TFRC: variants seen among roughly 807,000 people sequenced by gnomAD.
The protein encoded by TFRC is transferrin receptor.
TFRC carries 35 observed loss-of-function variants against 85.8 expected under a neutral mutation model. The observed-to-expected ratio is 0.41, with a 90% CI of 0.31 to 0.54. The LOEUF is 0.54. Among genes scored for constraint, TFRC ranks in the 20% least tolerant of loss-of-function variants. The pLI, the probability that TFRC is intolerant of heterozygous loss-of-function variation, is 0.31. For missense variants in TFRC, 828 were observed against 921.5 expected, an observed-to-expected ratio of 0.90 and a Z score of 1.31; for synonymous variants, 362 against 328.6, an observed-to-expected ratio of 1.10 and a Z score of -1.10.
chr3:196,054,807 T>C (rs892366041), intron 17 of TFRC, among the ~76,000 whole-genome samples: 5 of 152,240 alleles, frequency 3.3e-5, no homozygotes, highest in Non-Finnish European at 7.3e-5. Context: ...TTCCGTGTCC[T>C]ACTGACGGGC....
At chr3:196,071,562 A>T (rs1718211394) in intron 5 of TFRC, 64 bp from the exon 6 acceptor site, 1 of 1,441,494 alleles carries the variant, frequency 6.9e-7, no homozygotes, top group South Asian at 1.1e-5. Context: ...AATAGCTTAC[A>T]TTTAGTATGT....
At chr3:196,067,385 TA>T (rs1262880283) in intron 9 of TFRC, 132 bp downstream of exon 9, 2 of 927,056 alleles carry the variant, frequency 2.2e-6, no homozygotes, top group Non-Finnish European at 3.2e-6. Context: ...TGTACCAAGG[TA>T]ACAGCTAACC....
intron 9 of TFRC, among the ~76,000 whole-genome samples, chr3:196,066,984 A>C (rs1305186598): frequency 3.3e-5 from 5 of 152,226 alleles, no homozygotes; most frequent in Non-Finnish European, 1.5e-5. Flanking sequence ...CTCTGTTTTT[A>C]AAGAGAGACA....
intron 1 of TFRC, among the ~76,000 whole-genome samples, chr3:196,079,330 C>G (rs770714746): frequency 6.6e-6 from 1 of 152,154 alleles, no homozygotes; most frequent in Non-Finnish European, 1.5e-5. Context: ...AAGCGATGGC[C>G]GGGCATGGTG....
chr3:196,063,830 T>C (rs1468628320), intron 11 of TFRC, among the ~76,000 whole-genome samples: 2 of 152,062 alleles, frequency 1.3e-5, no homozygotes, highest in Admixed American at 6.6e-5. Flanking sequence ...GGCAGGAGAA[T>C]TGCTTGAAGT....
chr3:196,053,304 C>T, intron 18 of TFRC, 114 bp downstream of exon 18: 2 of 1,167,116 alleles, frequency 1.7e-6, no homozygotes, highest in Non-Finnish European at 2.5e-6. Context: ...ACCATTAATG[C>T]TCCCTTCTTA....
rs751955004 is a variant in TFRC at position 196,068,102 on chromosome 3, A to G, written c.830T>C (p.Ile277Thr). 6.2e-7 allele frequency: 1 copy of G among 1,612,956 alleles called. No homozygotes were observed. Reference protein sequence around the residue: ...KVANAESLNAIGVLIYMDQTK... With the variant: ...KVANAESLNATGVLIYMDQTK... The stretch of plus-strand genomic sequence containing the variant: ...CTGGTCCATGTATATCAACACACCA[A>G]TTGCATTTAAGCTTTCAGCATTTGC... The change falls in exon 8 of 19, where the codon ATT becomes ACT. Residue 277 changes from isoleucine (I) to threonine (T), a missense_variant. Ile to Thr is a moderately conservative substitution (Grantham distance 89). Coordinates refer to ENST00000360110, the MANE Select transcript of TFRC (RefSeq NM_001128148.3).
At chr3:196,057,790 A>C (rs1227516565) in intron 16 of TFRC, among the ~76,000 whole-genome samples, 4 of 151,196 alleles carry the variant, frequency 2.6e-5, no homozygotes, top group Non-Finnish European at 4.4e-5. Flanking sequence ...TCAAAAAAAA[A>C]AAAAAAAACA....
chr3:196,060,367 A>T (rs963275182), intron 13 of TFRC, 120 bp from the exon 14 acceptor site: 1 of 807,674 alleles, frequency 1.2e-6, no homozygotes, highest in African/African-American at 1.7e-5. Context: ...GCCCTGTGCA[A>T]CAACTATCCC....
rs1210593432 is a variant in TFRC at position 196,069,535 on chromosome 3, T to C, written c.721A>G (p.Lys241Glu). ...KLVHANFGTKKDFEDLYTPVN... is the reference protein window; with the variant it reads ...KLVHANFGTKEDFEDLYTPVN... The stretch of plus-strand genomic sequence containing the variant: ...GGAGTGTATAAATCCTCAAAATCTT[T>C]TTTAGTACCAAAATTAGCATGGACC... Residue 241 changes from lysine to glutamate, a missense_variant, in exon 7 of 19, where the codon AAA becomes GAA. Transcript: ENST00000360110. The C allele has an allele frequency of 6.2e-7, 1 of 1,612,814 alleles. No homozygotes were observed. The highest frequency in any genetic ancestry group is 1.3e-5 in the African/African-American group (1 of 75,012).
At position 196,065,427 on chromosome 3, in the gene TFRC, G is replaced by A. The variant is rs71621206; in HGVS notation, c.1198+16C>T. 4.3e-6 allele frequency: 3 copies of A among 697,812 alleles called. No homozygotes were observed. The highest frequency in any genetic ancestry group is 2.8e-5 in the African/African-American group (1 of 36,216). 43.2% of individuals were successfully genotyped at this position (697,812 alleles called of 1,614,324 possible). ...AAAAAAAAAGCGGGGCGGGGGGGGGGGGGGGCGGTCTTTACCTGGTTCTAC... is the reference window on the plus strand; with the variant it reads ...AAAAAAAAAGCGGGGCGGGGGGGGGAGGGGGCGGTCTTTACCTGGTTCTAC... On this transcript the variant is annotated intron_variant, in intron 10 of 18. Transcript: ENST00000360110.
rs1319735398 is a variant in TFRC at position 196,051,768 on chromosome 3, C to T, written c.*174G>A. On this transcript the variant is annotated 3_prime_UTR_variant, in exon 19 of 19. Transcript: ENST00000360110. The stretch of plus-strand genomic sequence containing the variant: ...TGGTTATTCACTTTAACTTGAAGTA[C>T]AGGTTATCTACCCTGTATTAAAAGC... The T allele has an allele frequency of 9.3e-6, 6 of 642,136 alleles. No individual in the cohort carries two copies. The East Asian group carries it at 1.7e-4, about 18-fold the overall frequency. 39.8% of individuals were successfully genotyped at this position (642,136 alleles called of 1,614,324 possible).
Position 196,074,090 on chromosome 3 carries a change from C to T in TFRC, c.274G>A (p.Val92Ile), listed in dbSNP as rs747559194. ...CTCTCACACTCAGTTTTTGGTTCTA[C>T]CCCTTTACAATAGCCCAAGTAGCCA... Reference protein sequence around the residue: ...MIGYLGYCKGVEPKTECERLA... With the variant: ...MIGYLGYCKGIEPKTECERLA... The change falls in exon 4 of 19, where the codon GTA becomes ATA. Residue 92 changes from valine (V) to isoleucine (I), a missense_variant. Physicochemically the swap from Val to Ile is conservative, Grantham distance 29. Transcript: ENST00000360110. 1.9e-6 allele frequency: 3 copies of T among 1,613,976 alleles called. No individual in the cohort carries two copies. The African/African-American group carries it at 4.0e-5, about 22-fold the overall frequency.
rs1378660529 is a variant in TFRC, at chr3:196,075,036, CCT to C, written c.238+121_238+122del. 1.3e-5 allele frequency: 12 copies of C among 898,800 alleles called. No individual in the cohort carries two copies. The East Asian group carries it at 2.9e-4, about 22-fold the overall frequency. 55.7% of individuals were successfully genotyped at this position (898,800 alleles called of 1,614,324 possible). On this transcript the variant is annotated intron_variant, in intron 3 of 18. Coordinates refer to ENST00000360110, the MANE Select transcript of TFRC (RefSeq NM_001128148.3). ...ACTCTAGCCTAGGCAAGAGAGTAAG[CCT>C]CTGTCTCCAAAAAAAAAAAAAAAAA...
intron 9 of TFRC, among the ~76,000 whole-genome samples, 183 bp downstream of exon 9, chr3:196,067,335 A>G (rs989391664): frequency 9.9e-5 from 15 of 152,230 alleles, no homozygotes; most frequent in Admixed American, 9.8e-4. Flanking sequence ...TCCAAAGTCC[A>G]TTATTAAGAT....
At chr3:196,061,940 C>T (rs567886496) in intron 13 of TFRC, among the ~76,000 whole-genome samples, 1 of 152,278 alleles carries the variant, frequency 6.6e-6, no homozygotes, top group African/African-American at 2.4e-5. Flanking sequence ...ATTGTGCTCA[C>T]TGTGTAACTT....
intron 17 of TFRC, among the ~76,000 whole-genome samples, chr3:196,054,392 C>T (rs761861260): frequency 9.9e-5 from 15 of 150,944 alleles, no homozygotes; most frequent in Non-Finnish European, 1.9e-4. Flanking sequence ...GGGACAAGAG[C>T]GAGACTTCAT....
chr3:196,074,707 C>T (rs889513262), intron 3 of TFRC, among the ~76,000 whole-genome samples: 4 of 151,840 alleles, frequency 2.6e-5, no homozygotes, highest in Admixed American at 1.3e-4. Context: ...GGTGAAACCC[C>T]GTCTCTACTA....
intron 2 of TFRC, among the ~76,000 whole-genome samples, chr3:196,076,232 C>T (rs1718682917): frequency 6.6e-6 from 1 of 152,072 alleles, no homozygotes; most frequent in Non-Finnish European, 1.5e-5. Context: ...GGCTCCTTCT[C>T]GTCATGGCCT....
Sources: gnomAD v4.1 joint callset for allele counts (sites outside exome capture counted in the v4.1 genomes callset) on GRCh38, gnomAD v4.1.1 for gene constraint, MANE v1.5 for transcripts, NCBI Gene and HGNC (gene_info 2026-07-23, HGNC 2026-07-21) for gene names.